SPEF2: variants seen among roughly 807,000 people sequenced by gnomAD.
SPEF2 encodes sperm flagellar and cilia associated 2.
Under a neutral mutation model 224.6 loss-of-function variants are expected in SPEF2, and 187 were observed. The observed-to-expected ratio is 0.83, with a 90% CI of 0.74 to 0.94. The LOEUF is 0.94. Among genes scored for constraint, SPEF2 ranks in the 40% least tolerant of loss-of-function variants. The pLI, the probability that SPEF2 is intolerant of heterozygous loss-of-function variation, is 0.00. For synonymous variants in SPEF2, 715 were observed against 707.3 expected (o/e 1.01, Z -0.17); for missense variants, 2,170 against 2,135.6 (o/e 1.02, Z -0.32).
chr5:35,754,739 G>A (rs1271700404), intron 24 of SPEF2, among the ~76,000 whole-genome samples: 3 of 152,134 alleles, frequency 2.0e-5, no homozygotes, highest in African/African-American at 4.8e-5. Context: ...AGGGAGGTGG[G>A]CCCTAGAGTC....
chr5:35,664,294 A>T, intron 8 of SPEF2, among the ~76,000 whole-genome samples: 1 of 146,304 alleles, frequency 6.8e-6, no homozygotes. Context: ...AAAAAAAAAG[A>T]GGAAAGAAGG....
In SPEF2 at chr5:35,704,536, A is replaced by G; in HGVS notation, c.2399-18A>G. 6.4e-7 allele frequency: 1 copy of G among 1,558,868 alleles called. No individual in the cohort carries two copies. The highest frequency in any genetic ancestry group is 8.7e-7 in the Non-Finnish European group (1 of 1,145,354). ...TTGGTTTTGAAAATTATCTAATTAA[A>G]TAAATTTTATACCATAGCTGAAGAA... is the stretch of plus-strand genomic sequence containing the variant. On this transcript the variant is annotated intron_variant, in intron 16 of 36. Transcript: ENST00000356031.
intron 10 of SPEF2, among the ~76,000 whole-genome samples, chr5:35,686,179 A>G (rs971642409): frequency 2.6e-5 from 4 of 152,124 alleles, no homozygotes; most frequent in African/African-American, 7.2e-5. Context: ...TTAACAAAAT[A>G]CTAATGTATC....
Position 35,807,159 on chromosome 5 carries a change from G to T in SPEF2, c.5285G>T (p.Gly1762Val), listed in dbSNP as rs776288153. ...EGFIKTFQDLGAKNLEPIEVA... is the reference protein window; with the variant it reads ...EGFIKTFQDLVAKNLEPIEVA... ...TTCATAAAAACATTTCAAGACCTAG[G>T]TGCCAAGAACCTGGAGCCAATTGAA... The change falls in exon 36 of 37, where the codon GGT becomes GTT. Residue 1762 changes from glycine to valine, a missense_variant. Physicochemically the swap from Gly to Val is moderately radical, Grantham distance 109. Coordinates refer to ENST00000356031, the MANE Select transcript of SPEF2 (RefSeq NM_024867.4). The T allele has an allele frequency of 1.2e-6, 2 of 1,613,316 alleles. No homozygotes were observed. The highest frequency in any genetic ancestry group is 2.2e-5 in the South Asian group (2 of 90,812).
chr5:35,640,445 A>T (rs192768822), intron 2 of SPEF2, among the ~76,000 whole-genome samples: 5 of 152,154 alleles, frequency 3.3e-5, no homozygotes, highest in African/African-American at 9.7e-5. Context: ...CATTGATTTG[A>T]CTATCTTCTT....
intron 7 of SPEF2, among the ~76,000 whole-genome samples, chr5:35,657,421 A>G (rs1411507509): frequency 1.3e-5 from 2 of 152,204 alleles, no homozygotes; most frequent in Non-Finnish European, 2.9e-5. Context: ...GATGGTAAGA[A>G]AAGGATTGGT....
At position 35,628,599 on chromosome 5, in the gene SPEF2, T is replaced by A. The variant is rs372066583; in HGVS notation, c.161+37T>A. 3.0e-4 allele frequency: 439 copies of A among 1,459,318 alleles called. 1 individual carries two copies. Among genetic ancestry groups the A allele is most frequent in the Non-Finnish European group, 1.2e-4 (123 of 1,041,514 alleles). 90.4% of individuals were successfully genotyped at this position (1,459,318 alleles called of 1,614,324 possible). On this transcript the variant is annotated intron_variant, in intron 2 of 36. Transcript: ENST00000356031. Reference sequence around the variant, plus strand: ...TATTCCTTTTTGTTGTTGTTGTTGTTTATTTGTTTTGAGACAAGGTCTTGT... The same window carrying A: ...TATTCCTTTTTGTTGTTGTTGTTGTATATTTGTTTTGAGACAAGGTCTTGT...
Position 35,806,918 on chromosome 5 carries a change from C to A in SPEF2, c.5222C>A (p.Ala1741Asp). The change falls in exon 35 of 37, where the codon GCC (alanine) becomes GAC (aspartate). Residue 1741 changes from alanine to aspartate, a missense_variant. Physicochemically the swap from Ala to Asp is moderately radical, Grantham distance 126 (BLOSUM62 -2). Transcript: ENST00000356031. ...GAAGCACAGGACTCCAATAGATTTG[C>A]CAGCCACCTAAAGATAGAGAACATT... ...GSEAQDSNRF[A>D]SHLKIENIYA... 1.2e-6 allele frequency: 2 copies of A among 1,611,564 alleles called. No homozygotes were observed. Among genetic ancestry groups the A allele is most frequent in the Non-Finnish European group, 1.7e-6 (2 of 1,179,268 alleles).
At position 35,741,752 on chromosome 5, in the gene SPEF2, T is replaced by C. The variant is rs555840785; in HGVS notation, c.3330+1485T>C. Among the ~76,000 whole-genome samples the C allele has an allele frequency of 1.9e-3, 293 of 152,268 alleles. 1 individual carries two copies. The highest frequency in any genetic ancestry group is 6.8e-3 in the African/African-American group (284 of 41,552). Reference sequence around the variant, plus strand: ...AGGTATTCAAATGTCCTGGTAAAATTGAAGTATTTTGCCTATTCTTTGACA... The same window carrying C: ...AGGTATTCAAATGTCCTGGTAAAATCGAAGTATTTTGCCTATTCTTTGACA... On this transcript the variant is annotated intron_variant, in intron 23 of 36. Transcript: ENST00000356031.
chr5:35,656,858 G>T (rs1432792756), intron 7 of SPEF2, among the ~76,000 whole-genome samples: 5 of 152,134 alleles, frequency 3.3e-5, no homozygotes, highest in East Asian at 1.9e-4. Context: ...TCTGTGTGTG[G>T]GTGAGCTGCT....
At chr5:35,655,747 C>G (rs565881293) in intron 7 of SPEF2, among the ~76,000 whole-genome samples, 1 of 152,310 alleles carries the variant, frequency 6.6e-6, no homozygotes, top group South Asian at 2.1e-4. Flanking sequence ...GTCATGCCAT[C>G]TGGCAGGAGT....
intron 20 of SPEF2, among the ~76,000 whole-genome samples, chr5:35,718,410 A>G (rs1038257499): frequency 3.9e-5 from 6 of 152,126 alleles, no homozygotes; most frequent in Admixed American, 3.9e-4. Context: ...TTTGAAAGGG[A>G]TACAGAGTGA....
chr5:35,793,270 G>A lies in SPEF2; in HGVS notation c.4666G>A (p.Glu1556Lys), dbSNP rs773411387. The A allele has an allele frequency of 1.2e-6, 2 of 1,614,184 alleles. No individual in the cohort carries two copies. Among genetic ancestry groups the A allele is most frequent in the Admixed American group, 3.3e-5 (2 of 60,036 alleles). Residue 1556 changes from glutamate (E) to lysine (K), a missense_variant, in exon 32 of 37, where the codon GAG becomes AAG. Transcript: ENST00000356031. Reference sequence around the variant, plus strand: ...CATTCCCTTGGAGGAGGAGCTCCTTGAGACCCTTCAGAAGTTCAAGGCTGT... The same window carrying A: ...CATTCCCTTGGAGGAGGAGCTCCTTAAGACCCTTCAGAAGTTCAAGGCTGT... ...WPIPLEEELL[E>K]TLQKFKAVDK...
rs1454427653 is a variant in SPEF2 at position 35,792,458 on chromosome 5, T to C, written c.4554+12T>C. 6.2e-7 allele frequency: 1 copy of C among 1,609,164 alleles called. No homozygotes were observed. The highest frequency in any genetic ancestry group is 8.5e-7 in the Non-Finnish European group (1 of 1,176,106). The stretch of plus-strand genomic sequence containing the variant: ...TTACCCAACCTGAAGTAAGCTTCTA[T>C]GTTGTTTGAGTTGTAAAGCTTTAAG... On this transcript the variant is annotated intron_variant, in intron 31 of 36. Coordinates refer to ENST00000356031, the MANE Select transcript of SPEF2 (RefSeq NM_024867.4).
At chr5:35,713,728 T>G (rs900428381) in intron 20 of SPEF2, among the ~76,000 whole-genome samples, 1 of 80,086 alleles carries the variant, frequency 1.2e-5, no homozygotes, top group African/African-American at 4.1e-5. Context: ...ACAGACTCTG[T>G]CTCAAAATAT....
chr5:35,727,397 A>G (rs375939552), intron 20 of SPEF2, among the ~76,000 whole-genome samples: 166 of 152,336 alleles, frequency 1.1e-3, no homozygotes, highest in African/African-American at 3.7e-3. Flanking sequence ...TATAAAAGTC[A>G]CATGTTCATT....
At chr5:35,802,664 T>C (rs1437144742) in intron 34 of SPEF2, among the ~76,000 whole-genome samples, 2 of 152,038 alleles carry the variant, frequency 1.3e-5, no homozygotes, top group East Asian at 3.9e-4. Context: ...GCCTTGCAAG[T>C]CCCTGGGGCA....
At chr5:35,673,250 G>A (rs560302670) in intron 10 of SPEF2, among the ~76,000 whole-genome samples, 1 of 152,276 alleles carries the variant, frequency 6.6e-6, no homozygotes, top group African/African-American at 2.4e-5. Context: ...TAGTGCAGCT[G>A]GCAGCACAGC....
intron 2 of SPEF2, among the ~76,000 whole-genome samples, chr5:35,636,975 C>CAAAA (rs1168479903): frequency 1.7e-5 from 1 of 58,790 alleles, no homozygotes; most frequent in African/African-American, 6.1e-5. Context: ...GACTCTGTCT[C>CAAAA]AAAAAAAAAA....
Sources: allele counts gnomAD v4.1 joint callset (sites outside exome capture counted in the v4.1 genomes callset), GRCh38; gene constraint gnomAD v4.1.1; transcripts MANE v1.5; gene names NCBI Gene and HGNC (gene_info 2026-07-23, HGNC 2026-07-21).